Variants in TMEM38A observed in about 807,000 individuals in gnomAD.
TMEM38A encodes transmembrane protein 38A.
Under a neutral mutation model 28.6 loss-of-function variants are expected in TMEM38A, and 17 were observed. The observed-to-expected ratio is 0.60, with a 90% confidence interval of 0.41 to 0.89. The LOEUF (loss-of-function observed/expected upper bound fraction) is 0.89, where lower values mean the gene tolerates loss of function less well. TMEM38A is among the 40% of genes least tolerant of loss of function. TMEM38A has a pLI of 0.00. For synonymous variants in TMEM38A, 169 were observed against 166.1 expected, an observed-to-expected ratio of 1.02 and a Z score of -0.14; for missense variants, 328 against 393.1, an observed-to-expected ratio of 0.83 and a Z score of 1.40.
chr19:16,667,586 G>T (rs930425141), intron 1 of TMEM38A, among the ~76,000 whole-genome samples: 1 of 152,158 alleles, frequency 6.6e-6, no homozygotes, highest in Non-Finnish European at 1.5e-5. Context: ...GCCAGACGTG[G>T]TGGCTCATGC....
intron 1 of TMEM38A, among the ~76,000 whole-genome samples, chr19:16,674,832 C>T (rs2086743326): frequency 6.6e-6 from 1 of 151,790 alleles, no homozygotes; most frequent in South Asian, 2.1e-4. Flanking sequence ...AAAACCAGGA[C>T]CCAGAGGGAT....
intron 3 of TMEM38A, among the ~76,000 whole-genome samples, chr19:16,681,867 G>A (rs2086783424): frequency 1.3e-5 from 2 of 152,156 alleles, no homozygotes. Flanking sequence ...AGCAGTTCCT[G>A]GAGTGGATGT....
At chr19:16,680,324 A>G in intron 2 of TMEM38A, 73 bp from the exon 3 acceptor site, 1 of 1,565,116 alleles carries the variant, frequency 6.4e-7, no homozygotes, top group Non-Finnish European at 8.8e-7. Flanking sequence ...GTGGTCTGAT[A>G]TAACCACAGC....
intron 1 of TMEM38A, among the ~76,000 whole-genome samples, chr19:16,665,266 C>T (rs1306475141): frequency 6.6e-6 from 1 of 152,136 alleles, no homozygotes. Flanking sequence ...TCCACTCCAG[C>T]CTGGGCAACA....
chr19:16,665,844 T>A (rs1428519045), intron 1 of TMEM38A, among the ~76,000 whole-genome samples: 1 of 151,826 alleles, frequency 6.6e-6, no homozygotes, highest in Non-Finnish European at 1.5e-5. Flanking sequence ...AGTCTTGTTT[T>A]GCTGCCCAGG....
At chr19:16,677,551 G>A (rs1599389373) in intron 1 of TMEM38A, among the ~76,000 whole-genome samples, 2 of 151,502 alleles carry the variant, frequency 1.3e-5, no homozygotes, top group South Asian at 4.2e-4. Flanking sequence ...TGCCCAGGCT[G>A]GCCTCCCCTC....
intron 1 of TMEM38A, among the ~76,000 whole-genome samples, chr19:16,678,700 G>A (rs1485766923): frequency 2.0e-5 from 3 of 147,910 alleles, no homozygotes; most frequent in Non-Finnish European, 4.4e-5. Flanking sequence ...AGGAAGTCAA[G>A]GCTGCAGTGA....
rs1045383904 is a variant in TMEM38A at position 16,679,991 on chromosome 19, C to A, written c.132C>A (p.Val44=). ...ILYLKYEPGA[V]ELSRRHPIAS... ...CACTCCTGTGCCTCCCAGGAGCAGT[C>A]GAACTGTCCCGGCGCCACCCCATCG... The change falls in exon 2 of 6, where the codon GTC becomes GTA. Residue 44 remains valine (V), a synonymous_variant. Transcript: ENST00000187762. 11 of 1,603,586 alleles carry A rather than the reference C, an allele frequency of 6.9e-6. No homozygotes were observed. The highest frequency in any genetic ancestry group is 6.7e-5 in the African/African-American group (5 of 74,890).
At chr19:16,668,378 C>G (rs1278744780) in intron 1 of TMEM38A, among the ~76,000 whole-genome samples, 2 of 151,520 alleles carry the variant, frequency 1.3e-5, no homozygotes, top group Non-Finnish European at 2.9e-5. Flanking sequence ...AACCCTGTCT[C>G]TACTAAAAAT....
intron 1 of TMEM38A, among the ~76,000 whole-genome samples, chr19:16,662,819 T>G (rs1241555058): frequency 1.3e-5 from 2 of 152,154 alleles, no homozygotes; most frequent in African/African-American, 4.8e-5. Context: ...TTTTTGCCTA[T>G]CCACATGCCA....
At chr19:16,678,419 C>T (rs71336783) in intron 1 of TMEM38A, among the ~76,000 whole-genome samples, 1 of 130,866 alleles carries the variant, frequency 7.6e-6, no homozygotes, top group African/African-American at 3.0e-5. Flanking sequence ...CAGAGTGAGA[C>T]TCTGTCTCAA....
intron 3 of TMEM38A, among the ~76,000 whole-genome samples, chr19:16,681,271 A>G (rs1407734303): frequency 6.6e-6 from 1 of 152,224 alleles, no homozygotes; most frequent in Non-Finnish European, 1.5e-5. Context: ...TGGGCAACAG[A>G]GCAAGAGTCT....
intron 3 of TMEM38A, among the ~76,000 whole-genome samples, chr19:16,681,620 C>T (rs941657886): frequency 1.3e-5 from 2 of 152,158 alleles, no homozygotes; most frequent in African/African-American, 4.8e-5. Context: ...GACCTAGAAT[C>T]ACCCTCCATT....
intron 1 of TMEM38A, among the ~76,000 whole-genome samples, chr19:16,677,965 T>C (rs2086759684): frequency 6.6e-6 from 1 of 152,108 alleles, no homozygotes; most frequent in Non-Finnish European, 1.5e-5. Context: ...TTACATGAGA[T>C]TCCTAAAGTC....
At chr19:16,675,774 C>T (rs1432654447) in intron 1 of TMEM38A, among the ~76,000 whole-genome samples, 3 of 150,648 alleles carry the variant, frequency 2.0e-5, no homozygotes, top group African/African-American at 7.3e-5. Flanking sequence ...GTCTCGAACT[C>T]CTGACCTTGT....
Position 16,689,258 on chromosome 19 carries a change from C to T in TMEM38A, c.*887C>T, listed in dbSNP as rs3848653. On this transcript the variant is annotated 3_prime_UTR_variant, in exon 6 of 6. Transcript: ENST00000187762. ...CATCTGTATAGTGGAGACCCTTGGC[C>T]CCCCTCTGTACGGAAGGGCCGATGC... is the stretch of plus-strand genomic sequence containing the variant. The T allele has an allele frequency of 0.062, 9,509 of 152,224 alleles. 307 individuals carry two copies. The highest frequency in any genetic ancestry group is 0.073 in the South Asian group (353 of 4,826). 9.4% of individuals were successfully genotyped at this position (152,224 alleles called of 1,614,324 possible).
intron 4 of TMEM38A, among the ~76,000 whole-genome samples, chr19:16,684,804 C>T (rs1036659565): frequency 1.3e-4 from 19 of 142,628 alleles, no homozygotes; most frequent in Admixed American, 3.6e-4. Context: ...TGTGGGAGGC[C>T]GAGATAGGAG....
chr19:16,676,569 A>G (rs2122588468), intron 1 of TMEM38A, among the ~76,000 whole-genome samples: 1 of 152,234 alleles, frequency 6.6e-6, no homozygotes, highest in Middle Eastern at 3.4e-3. Context: ...CAATATGATG[A>G]AAGAAGTGGT....
intron 3 of TMEM38A, among the ~76,000 whole-genome samples, chr19:16,681,344 C>T (rs757267920): frequency 6.6e-5 from 10 of 151,776 alleles, no homozygotes; most frequent in African/African-American, 2.4e-4. Context: ...AAATAAAGAA[C>T]GTTTTATAAT....
Sources: allele counts gnomAD v4.1 joint callset (sites outside exome capture counted in the v4.1 genomes callset), GRCh38; gene constraint gnomAD v4.1.1; transcripts MANE v1.5; gene names NCBI Gene and HGNC (gene_info 2026-07-23, HGNC 2026-07-21).